UPF3B: variants seen among roughly 807,000 people sequenced by gnomAD.
UPF3B encodes UPF3B regulator of nonsense mediated mRNA decay.
Under a neutral mutation model 40.3 loss-of-function variants are expected in UPF3B, and 7 were observed. That is an observed-to-expected ratio of 0.17 (90% CI 0.10 to 0.33). The LOEUF is 0.33. Ranked by LOEUF, UPF3B falls within the 10% of genes least tolerant of loss-of-function variation. UPF3B has a pLI of 1.00. For missense variants in UPF3B, 229 were observed against 358.9 expected, an observed-to-expected ratio of 0.64 and a Z score of 2.93; for synonymous variants, 117 against 117.3, an observed-to-expected ratio of 1.00 and a Z score of 0.01.
At chrX:119,831,344 T>C (rs1338879978), downstream of UPF3B, among the ~76,000 whole-genome samples, 3 of 108,520 alleles carry the variant, frequency 2.8e-5, no homozygotes, top group Admixed American at 9.9e-5. Flanking sequence ...TTTTTTGAGA[T>C]TGAGTCTCAC....
At chrX:119,828,508 C>CA (rs1242032995) in intron 3 of UPF3B, among the ~76,000 whole-genome samples, 1 of 110,516 alleles carries the variant, frequency 9.0e-6, no homozygotes, top group Non-Finnish European at 1.9e-5. Context: ...CGTATCTCTA[C>CA]AAAAAATACA....
chrX:119,819,210 C>A (rs920769939), intron 4 of UPF3B, among the ~76,000 whole-genome samples: 1 of 109,524 alleles, frequency 9.1e-6, no homozygotes, highest in Non-Finnish European at 1.9e-5. Flanking sequence ...CGCACCACCA[C>A]GCCTGGCTAA....
At chrX:119,807,883 A>C (rs761946142) in intron 5 of UPF3B, among the ~76,000 whole-genome samples, 1 of 111,600 alleles carries the variant, frequency 9.0e-6, no homozygotes, top group Non-Finnish European at 1.9e-5. Context: ...CAGCCTCGAC[A>C]TTCCAGACTC....
intron 3 of UPF3B, among the ~76,000 whole-genome samples, chrX:119,850,427 T>C (rs1482355360): frequency 9.0e-6 from 1 of 111,444 alleles, no homozygotes; most frequent in African/African-American, 3.3e-5. Flanking sequence ...AATAAAATAG[T>C]TGGAGTGGAA....
intron 4 of UPF3B, among the ~76,000 whole-genome samples, chrX:119,820,875 G>A (rs973176400): frequency 2.7e-5 from 3 of 111,810 alleles, no homozygotes; most frequent in African/African-American, 9.8e-5. Flanking sequence ...CAGGCATCTG[G>A]CAAACAGATG....
intron 3 of UPF3B, among the ~76,000 whole-genome samples, chrX:119,846,851 G>A (rs748166347): frequency 8.9e-6 from 1 of 112,236 alleles, no homozygotes; most frequent in Non-Finnish European, 1.9e-5. Context: ...CCCATGGAAT[G>A]GGAGAAATAT....
chrX:119,846,917 A>G (rs1380789355), intron 3 of UPF3B, among the ~76,000 whole-genome samples: 1 of 112,440 alleles, frequency 8.9e-6, no homozygotes, highest in East Asian at 2.8e-4. Flanking sequence ...AAGAACTCCT[A>G]TAACTCAACA....
chrX:119,849,265 G>A (rs182043840), intron 3 of UPF3B, among the ~76,000 whole-genome samples: 1,726 of 111,024 alleles, frequency 0.016, 17 homozygotes, highest in Non-Finnish European at 0.023. Flanking sequence ...AGGCTGAGGC[G>A]GGTGGATTGC....
intron 6 of UPF3B, among the ~76,000 whole-genome samples, chrX:119,807,053 A>AAAAAAAAAAAAG (rs1569457922): frequency 2.7e-4 from 22 of 80,014 alleles, no homozygotes; most frequent in African/African-American, 1.6e-3. Context: ...AAAAAAAAAG[A>AAAAAAAAAAAAG]AAAAAAAAAA....
downstream of UPF3B, chrX:119,831,616 GCCT>G: frequency 1.5e-6 from 1 of 674,577 alleles, no homozygotes; most frequent in Non-Finnish European, 1.8e-6. Flanking sequence ...ACCACGCCTG[GCCT>G]CCTCCTTCTT....
chrX:119,829,413 G>A, downstream of UPF3B, among the ~76,000 whole-genome samples: 1 of 112,068 alleles, frequency 8.9e-6, no homozygotes, highest in Non-Finnish European at 1.9e-5. Flanking sequence ...AAGTTCCCTT[G>A]TACTTCTCTA....
At chrX:119,842,591 CACACACACACACAT>C (rs1471473883) in intron 5 of UPF3B, among the ~76,000 whole-genome samples, 2 of 84,048 alleles carry the variant, frequency 2.4e-5, no homozygotes, top group African/African-American at 1.1e-4. Context: ...CACACACACA[CACACACACACACAT>C]ACACACACAC....
chrX:119,806,986 G>A (rs912995617), intron 6 of UPF3B, among the ~76,000 whole-genome samples: 23 of 88,581 alleles, frequency 2.6e-4, no homozygotes, highest in African/African-American at 1.0e-3. Flanking sequence ...CCGACATTGA[G>A]CCACTGTACT....
chrX:119,832,447 C>T (rs765483138), downstream of UPF3B, among the ~76,000 whole-genome samples: 2 of 110,853 alleles, frequency 1.8e-5, no homozygotes. Context: ...TTAGTAGAGA[C>T]GGGTTTTTGC....
chrX:119,824,358 T>C (rs1428140768), intron 3 of UPF3B, among the ~76,000 whole-genome samples: 1 of 99,388 alleles, frequency 1.0e-5, no homozygotes, highest in African/African-American at 3.7e-5. Context: ...CAGTCAGTGA[T>C]TGGTACATGT....
At chrX:119,821,620 A>AC (rs1017501183) in intron 4 of UPF3B, among the ~76,000 whole-genome samples, 12 of 111,135 alleles carry the variant, frequency 1.1e-4, no homozygotes, top group Middle Eastern at 4.6e-3. Context: ...AGATGGTGAG[A>AC]CCCCCATCTC....
chrX:119,835,684 T>C (rs781770773), intron 10 of UPF3B, among the ~76,000 whole-genome samples: 1 of 112,370 alleles, frequency 8.9e-6, no homozygotes, highest in East Asian at 2.8e-4. Context: ...GAAGGGGAAA[T>C]TGTTTAGATT....
intron 3 of UPF3B, among the ~76,000 whole-genome samples, chrX:119,850,061 G>A (rs929656939): frequency 1.1e-5 from 1 of 90,327 alleles, no homozygotes; most frequent in Non-Finnish European, 2.0e-5. Flanking sequence ...AGGCTGAGGT[G>A]GGGGGGGGGA....
At chrX:119,828,377 A>G (rs1036988135) in intron 3 of UPF3B, among the ~76,000 whole-genome samples, 2 of 111,850 alleles carry the variant, frequency 1.8e-5, no homozygotes, top group Non-Finnish European at 3.8e-5. Context: ...TGTTCTTTTG[A>G]AAATCCATAT....
Sources: gnomAD v4.1 joint callset for allele counts (sites outside exome capture counted in the v4.1 genomes callset) on GRCh38, gnomAD v4.1.1 for gene constraint, MANE v1.5 for transcripts, NCBI Gene and HGNC (gene_info 2026-07-23, HGNC 2026-07-21) for gene names.